Variants in DPRX observed in about 807,000 individuals in gnomAD.
DPRX encodes divergent-paired related homeobox, also known as divergent paired-related homeobox.
DPRX carries 11 observed loss-of-function variants against 8.4 expected under a neutral mutation model. That is an observed-to-expected ratio of 1.31 (90% CI 0.82 to 2.17). The LOEUF (loss-of-function observed/expected upper bound fraction) is 2.17, where lower values mean the gene tolerates loss of function less well. DPRX is among the 30% of genes most tolerant of loss of function. The pLI, the probability that DPRX is intolerant of heterozygous loss-of-function variation, is 0.00. For synonymous variants in DPRX, 72 were observed against 87.0 expected (o/e 0.83, Z 0.96); for missense variants, 211 against 236.7 (o/e 0.89, Z 0.71).
the DPRX span, among the ~76,000 whole-genome samples, chr19:53,626,751 T>G: frequency 6.6e-6 from 1 of 152,146 alleles, no homozygotes; most frequent in African/African-American, 2.4e-5. Context: ...CAGGCTGGGG[T>G]GCAGTGGCGT....
the DPRX span, among the ~76,000 whole-genome samples, chr19:53,618,142 CAAA>C: frequency 8.4e-5 from 10 of 119,296 alleles, no homozygotes; most frequent in South Asian, 2.7e-4. Context: ...GACTCTGTTT[CAAA>C]AAAAAAAAAA....
At chr19:53,611,923 A>G in the DPRX span, among the ~76,000 whole-genome samples, 1 of 152,076 alleles carries the variant, frequency 6.6e-6, no homozygotes, top group Non-Finnish European at 1.5e-5. Context: ...GTCTCTGTTA[A>G]AAATACAAAA....
chr19:53,629,860 C>T (rs2091084897), upstream of DPRX: 1 of 151,114 alleles, frequency 6.6e-6, no homozygotes, highest in African/African-American at 2.4e-5. Flanking sequence ...GACCTCCCAC[C>T]AGGTTGCCTA....
chr19:53,620,941 G>C, the DPRX span, among the ~76,000 whole-genome samples: 3 of 152,000 alleles, frequency 2.0e-5, no homozygotes, highest in Non-Finnish European at 4.4e-5. Context: ...AAGGACCCCA[G>C]AGCAAAATAC....
chr19:53,607,575 C>T, the DPRX span, among the ~76,000 whole-genome samples: 3 of 151,102 alleles, frequency 2.0e-5, no homozygotes, highest in African/African-American at 7.3e-5. Context: ...AGGCTGGGAG[C>T]AGTGAGTGGT....
chr19:53,614,877 T>G, the DPRX span, among the ~76,000 whole-genome samples: 20 of 152,042 alleles, frequency 1.3e-4, no homozygotes, highest in African/African-American at 4.8e-4. Context: ...CCTAACACTT[T>G]GGGAGGCTAA....
chr19:53,628,384 A>G (rs4801994), upstream of DPRX, among the ~76,000 whole-genome samples: 45,556 of 152,124 alleles, frequency 0.3, 7,107 homozygotes, highest in Admixed American at 0.38. Context: ...TGGGTTTAGC[A>G]TCTTTGGACT....
chr19:53,605,531 T>C, the DPRX span, among the ~76,000 whole-genome samples: 4 of 152,164 alleles, frequency 2.6e-5, no homozygotes. Flanking sequence ...AGGGTCTGGC[T>C]ATGTTGCCCA....
At chr19:53,617,952 C>A in the DPRX span, among the ~76,000 whole-genome samples, 205 of 151,802 alleles carry the variant, frequency 1.4e-3, no homozygotes, top group Non-Finnish European at 2.3e-3. Flanking sequence ...AGCCTGGCCA[C>A]CATGTTGAAA....
At chr19:53,632,128 C>A in exon 1 of DPRX, 1 of 1,613,848 alleles carries the variant, frequency 6.2e-7, no homozygotes. Flanking sequence ...AGAGGATCTT[C>A]GTAAAGGTAA....
the DPRX span, among the ~76,000 whole-genome samples, chr19:53,619,235 A>G: frequency 6.6e-6 from 1 of 152,008 alleles, no homozygotes; most frequent in Non-Finnish European, 1.5e-5. Flanking sequence ...TGGGGAGCCA[A>G]CACCTTATCT....
At chr19:53,630,855 T>A (rs2091089923), upstream of DPRX, among the ~76,000 whole-genome samples, 1 of 151,746 alleles carries the variant, frequency 6.6e-6, no homozygotes, top group African/African-American at 2.4e-5. Flanking sequence ...CTTTTTCTTT[T>A]ATTTTTTTGA....
At chr19:53,630,811 T>C (rs936496412), upstream of DPRX, among the ~76,000 whole-genome samples, 2 of 151,924 alleles carry the variant, frequency 1.3e-5, no homozygotes, top group Non-Finnish European at 2.9e-5. Context: ...AAGGTATACA[T>C]GGTGTGAGCC....
At chr19:53,612,940 C>A in the DPRX span, among the ~76,000 whole-genome samples, 1 of 151,984 alleles carries the variant, frequency 6.6e-6, no homozygotes, top group East Asian at 1.9e-4. Context: ...GAATGAGGGT[C>A]ATAGACCTAA....
the DPRX span, among the ~76,000 whole-genome samples, chr19:53,616,640 G>T: frequency 3.3e-5 from 5 of 152,164 alleles, no homozygotes. Context: ...TGTAATTCCG[G>T]CTACTTGGGA....
the DPRX span, among the ~76,000 whole-genome samples, chr19:53,621,579 T>G: frequency 1.3e-5 from 2 of 152,066 alleles, no homozygotes; most frequent in Non-Finnish European, 2.9e-5. Flanking sequence ...ACTGATCACT[T>G]TAGGTCAGGA....
the DPRX span, among the ~76,000 whole-genome samples, chr19:53,620,186 C>T: frequency 2.0e-5 from 3 of 152,228 alleles, no homozygotes; most frequent in East Asian, 3.9e-4. Flanking sequence ...TCTCCTGCCT[C>T]AGCCTCCCCA....
chr19:53,624,829 C>CAAAAA, the DPRX span, among the ~76,000 whole-genome samples: 13 of 87,002 alleles, frequency 1.5e-4, no homozygotes, highest in Middle Eastern at 6.0e-3. Context: ...GCGACAGTCA[C>CAAAAA]AAAAAAAAAA....
the DPRX span, among the ~76,000 whole-genome samples, chr19:53,610,472 AG>A: frequency 1.3e-5 from 2 of 152,222 alleles, no homozygotes; most frequent in Non-Finnish European, 2.9e-5. Context: ...GTATCAAATA[AG>A]AAAAAAGTTC....
Sources: gnomAD v4.1 joint callset for allele counts (sites outside exome capture counted in the v4.1 genomes callset) on GRCh38, gnomAD v4.1.1 for gene constraint, MANE v1.5 for transcripts, NCBI Gene and HGNC (gene_info 2026-07-23, HGNC 2026-07-21) for gene names.